The following MEIS2 variants were observed in gnomAD, a reference collection of about 807,000 sequenced individuals.
MEIS2 encodes homeobox protein Meis2.
In MEIS2, 9 loss-of-function variants were observed where a neutral mutation model predicts 58.6. That is an observed-to-expected ratio of 0.15 (90% CI 0.09 to 0.27). The LOEUF (loss-of-function observed/expected upper bound fraction) is 0.27. MEIS2 is among the 10% of genes least tolerant of loss of function. MEIS2 has a pLI of 1.00. For synonymous variants in MEIS2, 221 were observed against 228.4 expected, an observed-to-expected ratio of 0.97 and a Z score of 0.29; for missense variants, 427 against 635.0, an observed-to-expected ratio of 0.67 and a Z score of 3.52.
Position 37,098,057 on chromosome 15 carries a change from C to T in MEIS2, c.155G>A (p.Gly52Asp). 1 of 1,613,670 alleles carries T rather than the reference C, an allele frequency of 6.2e-7. No homozygotes were observed. The highest frequency in any genetic ancestry group is 1.1e-5 in the South Asian group (1 of 90,984). ...GACATTGGGGTGCGGGGCGTGCGCG[C>T]CGTAGTGCTGTGTGGCGTGGAGCGG... ...GPPLHATQHY[G>D]AHAPHPNVMP... Residue 52 changes from glycine to aspartate, a missense_variant, in exon 2 of 12, where the codon GGC becomes GAC. Coordinates refer to ENST00000561208, the MANE Select transcript of MEIS2 (RefSeq NM_170675.5).
chr15:36,947,440 C>CTTA (rs1161938808), intron 9 of MEIS2, among the ~76,000 whole-genome samples: 1 of 151,912 alleles, frequency 6.6e-6, no homozygotes, highest in Non-Finnish European at 1.5e-5. Flanking sequence ...GTTTTTATTG[C>CTTA]TTATTGCTCT....
At chr15:37,081,979 C>T (rs1376278647) in intron 7 of MEIS2, among the ~76,000 whole-genome samples, 1 of 152,210 alleles carries the variant, frequency 6.6e-6, no homozygotes, top group Admixed American at 6.5e-5. Flanking sequence ...AATCCCCACT[C>T]CAAAACCTGG....
intron 8 of MEIS2, among the ~76,000 whole-genome samples, chr15:37,008,844 T>C (rs1272933461): frequency 6.6e-6 from 1 of 152,180 alleles, no homozygotes; most frequent in East Asian, 1.9e-4. Flanking sequence ...GCTGCACATA[T>C]TTAGGTATAA....
chr15:37,098,524 G>C (rs1894674437), intron 1 of MEIS2: 2 of 549,636 alleles, frequency 3.6e-6, no homozygotes, highest in Non-Finnish European at 5.1e-6. Flanking sequence ...TAAAAGTTGT[G>C]AGGAAAAAAT....
At chr15:37,034,872 T>C (rs2062085007) in intron 8 of MEIS2, among the ~76,000 whole-genome samples, 1 of 152,122 alleles carries the variant, frequency 6.6e-6, no homozygotes, top group Admixed American at 6.6e-5. Context: ...GTTGGGGACT[T>C]GGAAGTCTCG....
At chr15:36,942,621 A>G (rs1257022989) in intron 9 of MEIS2, among the ~76,000 whole-genome samples, 1 of 152,208 alleles carries the variant, frequency 6.6e-6, no homozygotes, top group Non-Finnish European at 1.5e-5. Flanking sequence ...GCTGCTCTCC[A>G]GTGAATCAAT....
chr15:37,026,249 CT>C (rs2061701443), intron 8 of MEIS2, among the ~76,000 whole-genome samples: 1 of 152,032 alleles, frequency 6.6e-6, no homozygotes, highest in African/African-American at 2.4e-5. Context: ...TGATAAAAGC[CT>C]TTTTCTTTTT....
chr15:37,006,593 C>T (rs2060931510), intron 8 of MEIS2, among the ~76,000 whole-genome samples: 1 of 152,194 alleles, frequency 6.6e-6, no homozygotes, highest in African/African-American at 2.4e-5. Context: ...TATTTGATAG[C>T]TATATGCGTC....
chr15:37,041,224 G>A (rs1004263130), intron 7 of MEIS2, among the ~76,000 whole-genome samples: 2 of 152,218 alleles, frequency 1.3e-5, no homozygotes, highest in Non-Finnish European at 2.9e-5. Flanking sequence ...CAAATTCTCA[G>A]TCTTAGCTGA....
intron 8 of MEIS2, among the ~76,000 whole-genome samples, chr15:37,003,593 C>G (rs1263262239): frequency 6.6e-6 from 1 of 152,132 alleles, no homozygotes; most frequent in Admixed American, 6.5e-5. Context: ...ATTTTATGTA[C>G]TAAGAAGTGG....
At position 36,963,880 on chromosome 15, in the gene MEIS2, G is replaced by GA. The variant is rs1472548166; in HGVS notation, c.901-13481dup. ...CACATTGTCTGTTTTCATTTTAAGT[G>GA]AATGGAATGCTAAAGATGTTATAGA... On this transcript the variant is annotated intron_variant, in intron 8 of 11. Transcript: ENST00000561208. Among the ~76,000 whole-genome samples, 3 of 152,152 alleles carry GA rather than the reference G, an allele frequency of 2.0e-5. No homozygotes were observed. The East Asian group carries it at 5.8e-4, about 29-fold the overall frequency.
intron 8 of MEIS2, among the ~76,000 whole-genome samples, chr15:37,030,255 ACT>A (rs1276417915): frequency 6.6e-6 from 1 of 151,950 alleles, no homozygotes; most frequent in Non-Finnish European, 1.5e-5. Context: ...TGACACCAGG[ACT>A]CTCTAATGCT....
intron 8 of MEIS2, among the ~76,000 whole-genome samples, chr15:37,015,373 A>G (rs142423846): frequency 8.5e-5 from 13 of 152,288 alleles, no homozygotes; most frequent in Admixed American, 8.5e-4. Context: ...AATAATGAAC[A>G]TTAAGGGGAG....
chr15:36,894,221 G>A (rs943339012), intron 11 of MEIS2, among the ~76,000 whole-genome samples: 4 of 152,138 alleles, frequency 2.6e-5, no homozygotes, highest in Non-Finnish European at 5.9e-5. Context: ...TGTCACTGCT[G>A]TCATATATCT....
At chr15:37,068,615 C>A (rs990106682) in intron 7 of MEIS2, among the ~76,000 whole-genome samples, 1 of 152,158 alleles carries the variant, frequency 6.6e-6, no homozygotes, top group African/African-American at 2.4e-5. Context: ...AGATGAGTGG[C>A]CCTCCATAAT....
chr15:36,911,973 C>T (rs79618689), intron 9 of MEIS2, among the ~76,000 whole-genome samples: 268 of 152,298 alleles, frequency 1.8e-3, no homozygotes, highest in Non-Finnish European at 2.9e-3. Flanking sequence ...GTACAGGACT[C>T]GTTCTGAGCC....
At chr15:36,995,223 C>T (rs2060433015) in intron 8 of MEIS2, among the ~76,000 whole-genome samples, 1 of 152,086 alleles carries the variant, frequency 6.6e-6, no homozygotes, top group African/African-American at 2.4e-5. Flanking sequence ...AATTATCTGG[C>T]GGTTTTATGT....
chr15:36,978,081 T>C (rs991263825), intron 8 of MEIS2, among the ~76,000 whole-genome samples: 3 of 152,202 alleles, frequency 2.0e-5, no homozygotes, highest in Non-Finnish European at 4.4e-5. Flanking sequence ...ATGGATTAAA[T>C]GTACCTCCTC....
chr15:37,045,656 G>A (rs2141778430), intron 7 of MEIS2, among the ~76,000 whole-genome samples: 1 of 152,266 alleles, frequency 6.6e-6, no homozygotes, highest in South Asian at 2.1e-4. Flanking sequence ...AACACGGGGA[G>A]GATGAGGGGC....
Sources: allele counts gnomAD v4.1 joint callset (sites outside exome capture counted in the v4.1 genomes callset), GRCh38; gene constraint gnomAD v4.1.1; transcripts MANE v1.5; gene names NCBI Gene and HGNC (gene_info 2026-07-23, HGNC 2026-07-21).